The following SLC4A7 variants were observed in gnomAD, a reference collection of about 807,000 sequenced individuals.
The protein encoded by SLC4A7 is solute carrier family 4 member 7, also known as sodium bicarbonate cotransporter 3.
SLC4A7 carries 51 observed loss-of-function variants against 137.6 expected under a neutral mutation model. That is an observed-to-expected ratio of 0.37 (90% CI 0.30 to 0.47). The LOEUF (loss-of-function observed/expected upper bound fraction) is 0.47, where lower values mean the gene tolerates loss of function less well. SLC4A7 is among the 20% of genes least tolerant of loss of function. The probability of loss-of-function intolerance (pLI) is 1.00; values close to 1 mark genes in which losing one functional copy is unlikely to be tolerated. For synonymous variants in SLC4A7, 542 were observed against 518.6 expected (o/e 1.05, Z -0.61); for missense variants, 1,247 against 1,525.4 (o/e 0.82, Z 3.04).
Position 27,389,217 on chromosome 3 carries a change from T to C in SLC4A7, c.3360+714A>G, listed in dbSNP as rs150482129. On this transcript the variant is annotated intron_variant, in intron 22 of 25. Transcript: ENST00000454389. ...TCAAAGTTTTAGACAGACATTGTTA[T>C]AATTTTCTCTCTTTCAATACCTCTA... Among the ~76,000 whole-genome samples, 21 of 152,298 alleles carry C rather than the reference T, an allele frequency of 1.4e-4. No homozygotes were observed. In the East Asian group the frequency reaches 1.9e-3, roughly 14 times the overall value.
At chr3:27,453,614 A>G (rs2058225698) in intron 1 of SLC4A7, among the ~76,000 whole-genome samples, 2 of 152,244 alleles carry the variant, frequency 1.3e-5, no homozygotes, top group African/African-American at 4.8e-5. Context: ...ACTCCGTCTA[A>G]AAATGTATAC....
chr3:27,404,413 A>G (rs562269660), intron 14 of SLC4A7, among the ~76,000 whole-genome samples: 2 of 152,328 alleles, frequency 1.3e-5, no homozygotes, highest in East Asian at 3.9e-4. Context: ...AGTATTAGCC[A>G]TGCTGAATTC....
chr3:27,430,394 G>C (rs1413070500), intron 7 of SLC4A7, among the ~76,000 whole-genome samples: 2 of 149,148 alleles, frequency 1.3e-5, no homozygotes, highest in African/African-American at 2.5e-5. Flanking sequence ...AGGCCAAGGT[G>C]GGTGGATCAC....
intron 2 of SLC4A7, 61 bp downstream of exon 2, chr3:27,452,356 T>G: frequency 8.9e-7 from 1 of 1,129,440 alleles, no homozygotes; most frequent in African/African-American, 1.6e-5. Flanking sequence ...AAAGGATACT[T>G]AAAAACATTA....
chr3:27,448,728 C>T lies in SLC4A7; in HGVS notation c.212G>A (p.Arg71His), dbSNP rs1234953013. ...SKESRRRHRH[R>H]GHKHHHRRRK... is the part of the protein sequence containing the mutation. ...TCTCCGGTGGTGATGTTTGTGTCCGCGATGCCTATGACGCCGACGACTCTC... is the reference window on the plus strand; with the variant it reads ...TCTCCGGTGGTGATGTTTGTGTCCGTGATGCCTATGACGCCGACGACTCTC... The change falls in exon 3 of 26, where the codon CGC (arginine) becomes CAC (histidine). Residue 71 changes from arginine to histidine, a missense_variant. This residue lies in a region of SLC4A7 where 176 missense variants were observed against 186.4 expected (regional missense o/e 0.94). Coordinates refer to ENST00000454389, the MANE Select transcript of SLC4A7 (RefSeq NM_001321103.2). 9 of 1,612,752 alleles carry T rather than the reference C, an allele frequency of 5.6e-6. No individual in the cohort carries two copies. Among genetic ancestry groups the T allele is most frequent in the African/African-American group, 5.3e-5 (4 of 74,776 alleles).
intron 11 of SLC4A7, among the ~76,000 whole-genome samples, chr3:27,416,209 G>T (rs73824925): frequency 0.032 from 4,833 of 152,190 alleles, 262 homozygotes; most frequent in African/African-American, 0.11. Context: ...ATGTGGAGAC[G>T]ATGAGCAACA....
chr3:27,483,704 C>A (rs2059816555), intron 1 of SLC4A7, among the ~76,000 whole-genome samples: 1 of 152,204 alleles, frequency 6.6e-6, no homozygotes, highest in Non-Finnish European at 1.5e-5. Context: ...ACCGGGACCC[C>A]GCCTGGGGAG....
At chr3:27,395,377 C>T (rs73046176) in intron 18 of SLC4A7, among the ~76,000 whole-genome samples, 43,802 of 152,036 alleles carry the variant, frequency 0.29, 8,039 homozygotes, top group East Asian at 0.74. Context: ...CAGGATGACC[C>T]TGTGACTTAC....
At chr3:27,395,165 A>G in intron 18 of SLC4A7, 50 bp from the exon 19 acceptor site, 1 of 1,373,646 alleles carries the variant, frequency 7.3e-7, no homozygotes, top group South Asian at 1.5e-5. Flanking sequence ...GCTGTATTGC[A>G]CTAAATTTCC....
chr3:27,443,034 T>TC (rs1448708286), intron 3 of SLC4A7, among the ~76,000 whole-genome samples: 18 of 138,626 alleles, frequency 1.3e-4, no homozygotes, highest in Middle Eastern at 7.0e-3. Flanking sequence ...CTTTTTTTCT[T>TC]TTTTTTTTTT....
intron 3 of SLC4A7, among the ~76,000 whole-genome samples, chr3:27,447,546 C>G (rs2057750417): frequency 6.6e-6 from 1 of 151,810 alleles, no homozygotes; most frequent in South Asian, 2.1e-4. Context: ...AAAGCAAACA[C>G]TAGGACCCAT....
At chr3:27,388,744 CAATT>C (rs2051230224) in intron 22 of SLC4A7, among the ~76,000 whole-genome samples, 1 of 151,980 alleles carries the variant, frequency 6.6e-6, no homozygotes, top group Non-Finnish European at 1.5e-5. Flanking sequence ...CCATGAATCC[CAATT>C]AAGTAAAATA....
intron 1 of SLC4A7, among the ~76,000 whole-genome samples, chr3:27,453,412 G>A (rs576194732): frequency 1.3e-5 from 2 of 152,208 alleles, no homozygotes; most frequent in East Asian, 3.9e-4. Context: ...GTCGGAGTTC[G>A]AGACCAGCCT....
chr3:27,407,286 C>T lies in SLC4A7; in HGVS notation c.1941+2070G>A, dbSNP rs950415287. On this transcript the variant is annotated intron_variant, in intron 13 of 25. Transcript: ENST00000454389. Reference sequence around the variant, plus strand: ...CACGAGGTCACATTATCGAGACCAGCCTGACCAACATGATGAAACCCTGTC... The same window carrying T: ...CACGAGGTCACATTATCGAGACCAGTCTGACCAACATGATGAAACCCTGTC... Among the ~76,000 whole-genome samples, 19 of 151,892 alleles carry T rather than the reference C, an allele frequency of 1.3e-4. No homozygotes were observed. The South Asian group carries it at 4.0e-3, about 32-fold the overall frequency.
intron 1 of SLC4A7, among the ~76,000 whole-genome samples, chr3:27,473,602 G>A (rs1441736853): frequency 6.6e-6 from 1 of 151,358 alleles, no homozygotes; most frequent in East Asian, 1.9e-4. Context: ...CAGCTACTCG[G>A]GAGGCTGAGG....
chr3:27,452,327 AAATACTAGG>A, intron 2 of SLC4A7, 81 bp downstream of exon 2: 1 of 823,132 alleles, frequency 1.2e-6, no homozygotes. Flanking sequence ...AAAACTCAAC[AAATACTAGG>A]TAAAACTTAA....
chr3:27,402,000 T>C (rs1314943234), intron 15 of SLC4A7, among the ~76,000 whole-genome samples: 1 of 152,196 alleles, frequency 6.6e-6, no homozygotes, highest in Non-Finnish European at 1.5e-5. Context: ...CTCTTTATTC[T>C]GTCCGTCAAA....
chr3:27,479,683 C>T (rs1373138217), intron 1 of SLC4A7, among the ~76,000 whole-genome samples: 2 of 152,140 alleles, frequency 1.3e-5, no homozygotes, highest in East Asian at 3.8e-4. Flanking sequence ...CAACAAAATA[C>T]ACAATATTGC....
intron 1 of SLC4A7, among the ~76,000 whole-genome samples, chr3:27,481,463 T>C (rs2059703123): frequency 6.6e-6 from 1 of 152,234 alleles, no homozygotes; most frequent in Non-Finnish European, 1.5e-5. Flanking sequence ...TTGTTCTACT[T>C]TTTTGGCTAT....
Sources: gnomAD v4.1 joint callset for allele counts (sites outside exome capture counted in the v4.1 genomes callset) on GRCh38, gnomAD v4.1.1 for gene constraint, gnomAD v4.1.1 regional missense constraint, MANE v1.5 for transcripts, NCBI Gene and HGNC (gene_info 2026-07-23, HGNC 2026-07-21) for gene names.